The following DDX4 variants were observed in gnomAD, a reference collection of about 807,000 sequenced individuals.
DDX4 encodes probable ATP-dependent RNA helicase DDX4.
DDX4 carries 25 observed loss-of-function variants against 100.0 expected under a neutral mutation model. The ratio of observed to expected loss-of-function variants is 0.25; its 90% CI spans 0.18 to 0.35. DDX4 has a LOEUF of 0.35. Among genes scored for constraint, DDX4 ranks in the 10% least tolerant of loss-of-function variants. The probability of loss-of-function intolerance (pLI) is 1.00; values close to 1 mark genes in which losing one functional copy is unlikely to be tolerated. For synonymous variants in DDX4, 259 were observed against 275.7 expected (o/e 0.94, Z 0.60); for missense variants, 635 against 882.4 (o/e 0.72, Z 3.55).
chr5:55,782,128 A>C, intron 10 of DDX4, 147 bp downstream of exon 10: 1 of 835,910 alleles, frequency 1.2e-6, no homozygotes, highest in East Asian at 2.7e-5. Flanking sequence ...GAGGACCATA[A>C]ATTTACACAG....
At chr5:55,765,413 A>AATATATATATATATATAT (rs397997793) in intron 6 of DDX4, among the ~76,000 whole-genome samples, 9 of 82,998 alleles carry the variant, frequency 1.1e-4, no homozygotes, top group African/African-American at 4.7e-4. Context: ...AAAAAAAAAA[A>AATATATATATATATATAT]ATATATATAT....
chr5:55,792,215 GTTTC>G (rs978086334), intron 16 of DDX4, among the ~76,000 whole-genome samples: 1 of 150,860 alleles, frequency 6.6e-6, no homozygotes, highest in African/African-American at 2.4e-5. Flanking sequence ...TAGACATTTG[GTTTC>G]TTTTAGACTT....
Position 55,781,116 on chromosome 5 carries a change from G to A in DDX4, c.547G>A (p.Gly183Ser). ...TATGCAGCGCACTGGTGGCCTTTTT[G>A]GTTCTAGAAGACCAGTATTAAGTGG... ...ECMQRTGGLF[G>S]SRRPVLSGTG... The change falls in exon 9 of 22, where the codon GGT (glycine) becomes AGT (serine). Residue 183 changes from glycine (G) to serine (S), a missense_variant. Gly to Ser is a moderately conservative substitution (Grantham distance 56, BLOSUM62 0). Coordinates refer to ENST00000505374, the MANE Select transcript of DDX4 (RefSeq NM_024415.3). 1 of 1,612,260 alleles carries A rather than the reference G, an allele frequency of 6.2e-7. No individual in the cohort carries two copies. Among genetic ancestry groups the A allele is most frequent in the Non-Finnish European group, 8.5e-7 (1 of 1,179,486 alleles).
intron 3 of DDX4, 47 bp from the exon 4 acceptor site, chr5:55,760,153 A>G: frequency 6.5e-7 from 1 of 1,547,316 alleles, no homozygotes; most frequent in East Asian, 2.5e-5. Context: ...TGCAAGTACT[A>G]GATACTTGTT....
At chr5:55,802,414 T>A (rs1743371859) in intron 18 of DDX4, among the ~76,000 whole-genome samples, 1 of 152,204 alleles carries the variant, frequency 6.6e-6, no homozygotes, top group Admixed American at 6.5e-5. Context: ...ATTAAAATAA[T>A]ATTAACAGTA....
chr5:55,787,887 T>C lies in DDX4; in HGVS notation c.1059T>C (p.Asp353=). Residue 353 remains aspartate, a synonymous_variant, in exon 15 of 22, where the codon GAT becomes GAC. Coordinates refer to ENST00000505374, the MANE Select transcript of DDX4 (RefSeq NM_024415.3). ...LLPILAHMMH[D]GITASRFKEL... is the part of the protein sequence containing the mutation. ...CAATTTTGGCTCATATGATGCATGATGGAATAACTGCCAGTCGTTTTAAAG... is the reference window on the plus strand; with the variant it reads ...CAATTTTGGCTCATATGATGCATGACGGAATAACTGCCAGTCGTTTTAAAG... 1 of 1,613,982 alleles carries C rather than the reference T, an allele frequency of 6.2e-7. No homozygotes were observed.
intron 18 of DDX4, among the ~76,000 whole-genome samples, chr5:55,808,496 G>A (rs937214848): frequency 2.0e-5 from 3 of 152,146 alleles, no homozygotes; most frequent in African/African-American, 7.2e-5. Flanking sequence ...TGGGGTTTTG[G>A]TGTGGATGTC....
At chr5:55,814,012 T>C (rs753899819) in intron 19 of DDX4, among the ~76,000 whole-genome samples, 1 of 152,166 alleles carries the variant, frequency 6.6e-6, no homozygotes, top group Non-Finnish European at 1.5e-5. Context: ...AAGATAAAGG[T>C]CTGCCTTACT....
intron 17 of DDX4, among the ~76,000 whole-genome samples, chr5:55,796,503 A>C (rs990026955): frequency 1.3e-5 from 2 of 152,190 alleles, no homozygotes; most frequent in Admixed American, 6.5e-5. Flanking sequence ...ATAAAGTCTG[A>C]TTCTTTTAAA....
At chr5:55,770,201 T>G (rs1185228438) in intron 7 of DDX4, among the ~76,000 whole-genome samples, 1 of 148,576 alleles carries the variant, frequency 6.7e-6, no homozygotes, top group Non-Finnish European at 1.5e-5. Context: ...ATCTGTTGGT[T>G]GTGGTTTTTT....
chr5:55,762,994 A>G (rs536844351), intron 4 of DDX4, among the ~76,000 whole-genome samples, 181 bp from the exon 5 acceptor site: 2 of 152,266 alleles, frequency 1.3e-5, no homozygotes, highest in East Asian at 1.9e-4. Flanking sequence ...TTACCTTGGT[A>G]TCATAATTTA....
chr5:55,774,265 C>G lies in DDX4; in HGVS notation c.395-5699C>G, dbSNP rs185449947. 4.7e-3 allele frequency among the ~76,000 whole-genome samples: 709 copies of G among 152,102 alleles called. 15 individuals are homozygous for G. The highest frequency in any genetic ancestry group is 0.043 in the Admixed American group (658 of 15,290). ...TTCCTGGTCTCAAGCAGTCCTCCCA[C>G]CTCAGCCTCCTGAGTAGCTGGGACT... On this transcript the variant is annotated intron_variant, in intron 7 of 21. Transcript: ENST00000505374.
In DDX4 at chr5:55,815,057, T is replaced by C. The variant is rs941935834; in HGVS notation, c.1872T>C (p.Tyr624=). The C allele has an allele frequency of 1.2e-6, 2 of 1,614,196 alleles. No individual in the cohort carries two copies. Among genetic ancestry groups the C allele is most frequent in the Non-Finnish European group, 8.5e-7 (1 of 1,180,014 alleles). Residue 624 remains tyrosine (Y), a synonymous_variant, in exon 20 of 22, where the codon TAT becomes TAC. Transcript: ENST00000505374. The part of the protein sequence containing the change: ...NFDLPSTIDE[Y]VHRIGRTGRC... ...ATCTTCCTTCTACCATTGATGAATA[T>C]GTTCATCGAATTGGGCGTACTGGTC...
At chr5:55,772,856 AC>A (rs1278631523) in intron 7 of DDX4, among the ~76,000 whole-genome samples, 2 of 152,058 alleles carry the variant, frequency 1.3e-5, no homozygotes, top group African/African-American at 4.8e-5. Flanking sequence ...AGCCAAATAA[AC>A]CTTTTTTTTC....
chr5:55,774,148 A>AT lies in DDX4; in HGVS notation c.395-5803dup, dbSNP rs540763890. Among the ~76,000 whole-genome samples, 1,154 of 144,498 alleles carry AT rather than the reference A, an allele frequency of 8.0e-3. 3 individuals are homozygous for AT. Among genetic ancestry groups the AT allele is most frequent in the Non-Finnish European group, 0.013 (872 of 65,180 alleles). 94.8% of individuals were successfully genotyped at this position (144,498 alleles called of 152,430 possible). Reference sequence around the variant, plus strand: ...TGTTTATTTTTTTTTAATTTATCTAATTTTTTTTTTTTTGTTTTTGAGACA... The same window carrying AT: ...TGTTTATTTTTTTTTAATTTATCTAATTTTTTTTTTTTTTGTTTTTGAGACA... On this transcript the variant is annotated intron_variant, in intron 7 of 21. Transcript: ENST00000505374.
chr5:55,741,036 A>G (rs1447713705), intron 2 of DDX4, among the ~76,000 whole-genome samples: 2 of 152,158 alleles, frequency 1.3e-5, no homozygotes, highest in African/African-American at 4.8e-5. Context: ...TGTTCTCAAT[A>G]GATTTGTTAT....
Position 55,815,316 on chromosome 5 carries a change from C to A in DDX4, c.1990C>A (p.Gln664Lys). The A allele has an allele frequency of 1.2e-6, 2 of 1,609,670 alleles. No individual in the cohort carries two copies. The highest frequency in any genetic ancestry group is 2.2e-5 in the South Asian group (2 of 89,482). ...ATGAAGTCAATTTTTTTTAAAGGCT[C>A]AACAGGATGTTCCTGCATGGTTGGA... is the stretch of plus-strand genomic sequence containing the variant. The part of the protein sequence containing the change: ...QPLVKVLTDA[Q>K]QDVPAWLEEI... Residue 664 changes from glutamine (Q) to lysine (K), a missense_variant, in exon 21 of 22, where the codon CAA becomes AAA. Physicochemically the swap from Gln to Lys is moderately conservative, Grantham distance 53 (BLOSUM62 1). This residue lies in a region of DDX4 where 73 missense variants were observed against 98.5 expected (regional missense o/e 0.74). Coordinates refer to ENST00000505374, the MANE Select transcript of DDX4 (RefSeq NM_024415.3).
At chr5:55,769,612 T>C (rs1741134362) in intron 7 of DDX4, among the ~76,000 whole-genome samples, 1 of 152,168 alleles carries the variant, frequency 6.6e-6, no homozygotes, top group Non-Finnish European at 1.5e-5. Flanking sequence ...CCCAAAGCTA[T>C]TTACAGATCC....
At chr5:55,779,208 A>T (rs369752000) in intron 7 of DDX4, among the ~76,000 whole-genome samples, 16 of 152,356 alleles carry the variant, frequency 1.1e-4, no homozygotes, top group African/African-American at 3.8e-4. Flanking sequence ...TCATGAAAAT[A>T]TACCTTTACA....
Sources: gnomAD v4.1 joint callset for allele counts (sites outside exome capture counted in the v4.1 genomes callset) on GRCh38, gnomAD v4.1.1 for gene constraint, gnomAD v4.1.1 regional missense constraint, MANE v1.5 for transcripts, NCBI Gene and HGNC (gene_info 2026-07-23, HGNC 2026-07-21) for gene names.